Variants in NT5C3B observed in about 807,000 individuals in gnomAD.
NT5C3B encodes the protein 5'-nucleotidase, cytosolic IIIB.
NT5C3B carries 28 observed loss-of-function variants against 32.5 expected under a neutral mutation model. The observed-to-expected ratio is 0.86, with a 90% CI of 0.64 to 1.18. The LOEUF is 1.18. NT5C3B is among the 50% of genes most tolerant of loss of function. The pLI is 0.00. For missense variants in NT5C3B, 317 were observed against 322.0 expected (o/e 0.98, Z 0.12); for synonymous variants, 138 against 118.0 (o/e 1.17, Z -1.10).
intron 4 of NT5C3B, chr17:41,832,711 A>G (rs1555619228): frequency 3.0e-6 from 1 of 331,508 alleles, no homozygotes; most frequent in Non-Finnish European, 5.8e-6. Flanking sequence ...CTACTAAAAA[A>G]TACAAAAATT....
At chr17:41,833,634 TA>T (rs1178690884) in intron 4 of NT5C3B, among the ~76,000 whole-genome samples, 2 of 152,110 alleles carry the variant, frequency 1.3e-5, no homozygotes, top group African/African-American at 2.4e-5. Flanking sequence ...CTTTATAAGT[TA>T]ATTACAATTT....
Position 41,828,886 on chromosome 17 carries a change from C to G in NT5C3B, c.471G>C (p.Ala157=), listed in dbSNP as rs782680608. 26 of 1,613,632 alleles carry G rather than the reference C, an allele frequency of 1.6e-5. 1 individual carries two copies. The Middle Eastern group carries it at 6.6e-4, about 41-fold the overall frequency. ...HNNIPLFIFS[A]GIGDILEEII... is the part of the protein sequence containing the mutation. The stretch of plus-strand genomic sequence containing the variant: ...TTTCTTCCAGGATATCACCAATGCC[C>G]GCAGAAAAGATGAAAAGGGGAATGT... Residue 157 remains alanine, a synonymous_variant, in exon 7 of 9, where the codon GCG becomes GCC. Transcript: ENST00000435506.
At chr17:41,832,274 T>C in intron 5 of NT5C3B, 118 bp downstream of exon 5, 1 of 791,404 alleles carries the variant, frequency 1.3e-6, no homozygotes, top group Non-Finnish European at 2.1e-6. Context: ...TAGTATTAAA[T>C]TAAGCCCTCA....
In NT5C3B at chr17:41,835,199, T is replaced by C. The variant is rs1016334645; in HGVS notation, c.181+4A>G. On this transcript the variant is annotated splice_donor_region_variant and intron_variant, in intron 3 of 8. Coordinates refer to ENST00000435506, the MANE Select transcript of NT5C3B (RefSeq NM_052935.5). The stretch of plus-strand genomic sequence containing the variant: ...TCAACAAGGGAAGCTAGAATGTGAC[T>C]TACTGTAAGAAGAAGGGCATCGCTT... The C allele has an allele frequency of 6.2e-6, 10 of 1,613,936 alleles. No homozygotes were observed. The highest frequency in any genetic ancestry group is 1.6e-4 in the Middle Eastern group (1 of 6,084).
intron 4 of NT5C3B, among the ~76,000 whole-genome samples, chr17:41,833,443 A>G (rs900866047): frequency 6.6e-6 from 1 of 151,860 alleles, no homozygotes; most frequent in African/African-American, 2.4e-5. Flanking sequence ...CAGCCTCCCG[A>G]GTAGCTGGGA....
chr17:41,836,052 G>T (rs1227808142), intron 1 of NT5C3B, 95 bp from the exon 2 acceptor site: 13 of 1,409,150 alleles, frequency 9.2e-6, no homozygotes, highest in African/African-American at 1.5e-5. Flanking sequence ...AGGCGGGGCC[G>T]GGGTGCGCGA....
Position 41,835,849 on chromosome 17 carries a change from C to G in NT5C3B, c.111+10G>C, listed in dbSNP as rs781864659. The stretch of plus-strand genomic sequence containing the variant: ...CCAGCCCGGCCGGCCCCCGCACGCC[C>G]CAGAGGTACCTGTAACCGGTCTCCG... On this transcript the variant is annotated intron_variant, in intron 2 of 8. Coordinates refer to ENST00000435506, the MANE Select transcript of NT5C3B (RefSeq NM_052935.5). 6 of 1,604,676 alleles carry G rather than the reference C, an allele frequency of 3.7e-6. No individual in the cohort carries two copies. The South Asian group carries it at 6.7e-5, about 18-fold the overall frequency.
chr17:41,833,104 C>T (rs2048079725), intron 4 of NT5C3B, among the ~76,000 whole-genome samples: 1 of 152,120 alleles, frequency 6.6e-6, no homozygotes, highest in Admixed American at 6.5e-5. Flanking sequence ...GTCTAAAAGT[C>T]AGCAATATGA....
rs782103629 is a variant in NT5C3B, at chr17:41,835,214, G to A, written c.170C>T (p.Pro57Leu). ...AGAATGTGACTTACTGTAAGAAGAAGGGCATCGCTTTCCATTATATGCAAA... is the reference window on the plus strand; with the variant it reads ...AGAATGTGACTTACTGTAAGAAGAAAGGCATCGCTTTCCATTATATGCAAA... Reference protein sequence around the residue: ...SRFAYNGKRCPSSYNILDNSK... With the variant: ...SRFAYNGKRCLSSYNILDNSK... Residue 57 changes from proline (P) to leucine (L), a missense_variant, in exon 3 of 9, where the codon CCT (proline) becomes CTT (leucine). Coordinates refer to ENST00000435506, the MANE Select transcript of NT5C3B (RefSeq NM_052935.5). 1 of 1,613,988 alleles carries A rather than the reference G, an allele frequency of 6.2e-7. No individual in the cohort carries two copies. Among genetic ancestry groups the A allele is most frequent in the Non-Finnish European group, 8.5e-7 (1 of 1,179,976 alleles).
At chr17:41,826,723 G>A (rs1567859500) in intron 8 of NT5C3B, among the ~76,000 whole-genome samples, 1 of 151,786 alleles carries the variant, frequency 6.6e-6, no homozygotes, top group Non-Finnish European at 1.5e-5. Flanking sequence ...TATTTAGGCT[G>A]GGCGTGGTGG....
chr17:41,832,991 C>T (rs1296627972), intron 4 of NT5C3B, among the ~76,000 whole-genome samples: 2 of 152,186 alleles, frequency 1.3e-5, no homozygotes, highest in African/African-American at 4.8e-5. Flanking sequence ...TATCTTCCAA[C>T]ATAATCGCTC....
chr17:41,829,190 T>G (rs569715507), intron 6 of NT5C3B, among the ~76,000 whole-genome samples: 5 of 152,122 alleles, frequency 3.3e-5, no homozygotes, highest in Non-Finnish European at 7.4e-5. Flanking sequence ...CCTGGCTAAT[T>G]TTTTTATGTT....
chr17:41,830,530 C>G (rs2048034735), intron 6 of NT5C3B, among the ~76,000 whole-genome samples: 1 of 151,712 alleles, frequency 6.6e-6, no homozygotes, highest in Non-Finnish European at 1.5e-5. Context: ...GAAGAGAAGA[C>G]AAGAGAAGGA....
At position 41,825,174 on chromosome 17, in the gene NT5C3B, G is replaced by C. The variant is rs2047939903; in HGVS notation, c.*349C>G. On this transcript the variant is annotated 3_prime_UTR_variant, in exon 9 of 9. Coordinates refer to ENST00000435506, the MANE Select transcript of NT5C3B (RefSeq NM_052935.5). ...ACCCCCACCCACATCCCCTGAATCA[G>C]AGCAGCTTTTTTTTCATTTTAAAAA... 5.5e-6 allele frequency: 1 copy of C among 181,152 alleles called. No individual in the cohort carries two copies. Among genetic ancestry groups the C allele is most frequent in the South Asian group, 1.7e-4 (1 of 5,934 alleles). The allele number at this position is 181,152 out of a possible 1,614,324, so 11.2% of individuals were successfully genotyped here. A position where few individuals can be genotyped will look rare whatever the true frequency, so the allele number is the denominator to read the frequency against.
Position 41,825,455 on chromosome 17 carries a change from G to C in NT5C3B, c.*68C>G, listed in dbSNP as rs1053941996. 4 of 812,838 alleles carry C rather than the reference G, an allele frequency of 4.9e-6. No individual in the cohort carries two copies. Among genetic ancestry groups the C allele is most frequent in the South Asian group, 2.8e-5 (2 of 70,996 alleles). 50.4% of individuals were successfully genotyped at this position (812,838 alleles called of 1,614,324 possible). On this transcript the variant is annotated 3_prime_UTR_variant, in exon 9 of 9. Transcript: ENST00000435506. ...ACCCTGGCCTCTGCTCTGTGTTCAC[G>C]GGGGAGCAGACTCTGGGGAGGCGCC...
At chr17:41,826,358 G>C (rs906432678) in intron 8 of NT5C3B, among the ~76,000 whole-genome samples, 16 of 152,050 alleles carry the variant, frequency 1.1e-4, no homozygotes, top group Non-Finnish European at 2.1e-4. Flanking sequence ...TGAGTAACTA[G>C]AACTACAGGC....
In NT5C3B at chr17:41,835,841, C is replaced by G. The variant is rs565704497; in HGVS notation, c.111+18G>C. The G allele has an allele frequency of 3.8e-6, 6 of 1,596,918 alleles. No individual in the cohort carries two copies. The highest frequency in any genetic ancestry group is 4.3e-6 in the Non-Finnish European group (5 of 1,172,768). ...AGCCGCCCCCAGCCCGGCCGGCCCC[C>G]GCACGCCCCAGAGGTACCTGTAACC... On this transcript the variant is annotated intron_variant, in intron 2 of 8. Coordinates refer to ENST00000435506, the MANE Select transcript of NT5C3B (RefSeq NM_052935.5).
intron 4 of NT5C3B, 142 bp downstream of exon 4, chr17:41,834,925 TAAA>T: frequency 1.3e-6 from 1 of 755,456 alleles, no homozygotes; most frequent in Non-Finnish European, 2.2e-6. Context: ...CTTAATGTAT[TAAA>T]ACTAGACCCT....
chr17:41,835,344 G>T, intron 2 of NT5C3B, 72 bp from the exon 3 acceptor site: 1 of 1,300,642 alleles, frequency 7.7e-7, no homozygotes, highest in Non-Finnish European at 1.1e-6. Context: ...CAGCCTGGGG[G>T]ATGATTATGG....
Sources: allele counts gnomAD v4.1 joint callset (sites outside exome capture counted in the v4.1 genomes callset), GRCh38; gene constraint gnomAD v4.1.1; transcripts MANE v1.5; gene names NCBI Gene and HGNC (gene_info 2026-07-23, HGNC 2026-07-21).